Variants in TGM1 observed in about 807,000 individuals in gnomAD.
TGM1 encodes the protein transglutaminase 1, also known as protein-glutamine gamma-glutamyltransferase K.
TGM1 carries 63 observed loss-of-function variants against 88.7 expected under a neutral mutation model. The observed-to-expected ratio is 0.71, with a 90% confidence interval of 0.58 to 0.88. The LOEUF is 0.88. TGM1 is among the 40% of genes least tolerant of loss of function. TGM1 has a pLI of 0.00. For synonymous variants in TGM1, 415 were observed against 431.1 expected (o/e 0.96, Z 0.46); for missense variants, 996 against 1,118.0 (o/e 0.89, Z 1.56).
At position 24,258,369 on chromosome 14, in the gene TGM1, C is replaced by G; in HGVS notation, c.1318G>C (p.Asp440His). The G allele has an allele frequency of 6.2e-7, 1 of 1,614,104 alleles. No individual in the cohort carries two copies. The highest frequency in any genetic ancestry group is 8.5e-7 in the Non-Finnish European group (1 of 1,180,020). Residue 440 changes from aspartate (D) to histidine (H), a missense_variant, in exon 9 of 15, where the codon GAC (aspartate) becomes CAC (histidine). Physicochemically the swap from Asp to His is moderately conservative, Grantham distance 81 (BLOSUM62 -1). Transcript: ENST00000206765. ...DSVWNFHVWN[D>H]CWMKRPDLPS... Reference sequence around the variant, plus strand: ...AGATCCGGCCTCTTCATCCAGCAGTCGTTCCACACATGGAAGTTCCTGGAT... The same window carrying G: ...AGATCCGGCCTCTTCATCCAGCAGTGGTTCCACACATGGAAGTTCCTGGAT...
intron 13 of TGM1, 38 bp from the exon 14 acceptor site, chr14:24,254,326 C>T: frequency 1.2e-6 from 2 of 1,613,704 alleles, no homozygotes; most frequent in Middle Eastern, 1.7e-4. Flanking sequence ...CGTCAGAGAC[C>T]CTGGCCAAAC....
rs1315761077 is a variant in TGM1 at position 24,261,741 on chromosome 14, G to A, written c.462C>T (p.Ser154=). 1 of 1,614,000 alleles carries A rather than the reference G, an allele frequency of 6.2e-7. No homozygotes were observed. Among genetic ancestry groups the A allele is most frequent in the African/African-American group, 1.3e-5 (1 of 74,910 alleles). Residue 154 remains serine, a synonymous_variant, in exon 3 of 15, where the codon TCC becomes TCT. Coordinates refer to ENST00000206765, the MANE Select transcript of TGM1 (RefSeq NM_000359.3). ...TGCGATCAGAGGATTCATAGGTCCG[G>A]GACAGGAGGAGGAGCATATGGAAAG... is the stretch of plus-strand genomic sequence containing the variant. ...GQPFHMLLLL[S]RTYESSDRIT... is the part of the protein sequence containing the mutation.
In TGM1 at chr14:24,260,044, C is replaced by G; in HGVS notation, c.772G>C (p.Val258Leu). The G allele has an allele frequency of 6.2e-7, 1 of 1,614,114 alleles. No individual in the cohort carries two copies. Among genetic ancestry groups the G allele is most frequent in the Non-Finnish European group, 8.5e-7 (1 of 1,179,948 alleles). The change falls in exon 5 of 15, where the codon GTG becomes CTG. Residue 258 changes from valine (V) to leucine (L), a missense_variant. Val to Leu is a conservative substitution (Grantham distance 32). Transcript: ENST00000206765. ...NPWCPEDIVY[V>L]DHEDWRQEYV... is the part of the protein sequence containing the mutation. ...TCCTGCCGCCAATCCTCATGGTCCA[C>G]GTACACAATGTCCTCTGTGTCCCCA...
chr14:24,261,599 G>A, intron 3 of TGM1, 96 bp downstream of exon 3: 1 of 1,459,228 alleles, frequency 6.9e-7, no homozygotes, highest in Non-Finnish European at 9.6e-7. Flanking sequence ...GTGAGGAGTG[G>A]GGCAGGGAGG....
In TGM1 at chr14:24,255,017, T is replaced by C; in HGVS notation, c.1882A>G (p.Ile628Val). The C allele has an allele frequency of 6.2e-7, 1 of 1,614,004 alleles. No homozygotes were observed. The highest frequency in any genetic ancestry group is 8.5e-7 in the Non-Finnish European group (1 of 1,180,020). ...VTFYTGVSGT[I>V]FKETKKEVEL... ...ACTTCCTTCTTGGTCTCCTTGAAGA[T>C]GGTACCACTGACACCAGTATAGAAA... is the stretch of plus-strand genomic sequence containing the variant. Residue 628 changes from isoleucine to valine, a missense_variant, in exon 12 of 15, where the codon ATC (isoleucine) becomes GTC (valine). Physicochemically the swap from Ile to Val is conservative, Grantham distance 29. Coordinates refer to ENST00000206765, the MANE Select transcript of TGM1 (RefSeq NM_000359.3). The surrounding 1 kb of genome is among the most constrained non-coding windows in gnomAD (Gnocchi z 4.0).
rs771051927 is a variant in TGM1, at chr14:24,262,105, C to T, written c.248G>A (p.Arg83Gln). ...SSSGTRRPGS[R>Q]GSDSRRPVSR... ...TACAGGCCGGCGGGAGTCTGAGCCC[C>T]GGGAGCCAGGTCTTCGAGTGCCAGA... The change falls in exon 2 of 15, where the codon CGG (arginine) becomes CAG (glutamine). Residue 83 changes from arginine (R) to glutamine (Q), a missense_variant. Coordinates refer to ENST00000206765, the MANE Select transcript of TGM1 (RefSeq NM_000359.3). The T allele has an allele frequency of 2.6e-5, 42 of 1,613,414 alleles. No individual in the cohort carries two copies. The East Asian group carries it at 3.8e-4, about 15-fold the overall frequency.
Position 24,259,354 on chromosome 14 carries a change from C to G in TGM1, c.985-105G>C. ...GCCCCGATCCTGCAACCACCCCTTA[C>G]CCCTAAATGCCTCAGGATCCAGACA... is the stretch of plus-strand genomic sequence containing the variant. On this transcript the variant is annotated intron_variant, in intron 6 of 14. Transcript: ENST00000206765. This position sits in a 1 kb window ranked among gnomAD's most constrained non-coding sequence, Gnocchi z 5.7. 9.1e-7 allele frequency: 1 copy of G among 1,095,856 alleles called. No homozygotes were observed. The highest frequency in any genetic ancestry group is 1.4e-6 in the Non-Finnish European group (1 of 740,226). The allele number at this position is 1,095,856 out of a possible 1,614,324, so 67.9% of individuals were successfully genotyped here. A position where few individuals can be genotyped will look rare whatever the true frequency, so the allele number is the denominator to read the frequency against.
At position 24,254,271 on chromosome 14, in the gene TGM1, C is replaced by T. The variant is rs1307227091; in HGVS notation, c.2106G>A (p.Val702=). The T allele has an allele frequency of 6.2e-7, 1 of 1,614,076 alleles. No homozygotes were observed. Among genetic ancestry groups the T allele is most frequent in the South Asian group, 1.1e-5 (1 of 91,062 alleles). Residue 702 remains valine, a synonymous_variant, in exon 14 of 15, where the codon GTG becomes GTA. Coordinates refer to ENST00000206765, the MANE Select transcript of TGM1 (RefSeq NM_000359.3). ...TCTGTACTTCACACTCCTGGCCAAC[C>T]ACTGCTGCTCCCAGTAACTGAGAGA... The part of the protein sequence containing the change: ...DLSLTLLGAA[V]VGQECEVQIV...
chr14:24,260,432 C>G lies in TGM1; in HGVS notation c.757+18G>C, dbSNP rs1221065221. ...TTTCCCTCCCATCTACCCTCTGCTC[C>G]AGACCCCAGCTGCTCACCTGGGCAC... On this transcript the variant is annotated intron_variant, in intron 4 of 14. Transcript: ENST00000206765. The G allele has an allele frequency of 6.2e-7, 1 of 1,614,058 alleles. No homozygotes were observed. Among genetic ancestry groups the G allele is most frequent in the South Asian group, 1.1e-5 (1 of 91,082 alleles).
In TGM1 at chr14:24,259,928, G is replaced by C. The variant is rs367946256; in HGVS notation, c.876+12C>G. The C allele has an allele frequency of 2.5e-6, 4 of 1,613,622 alleles. No homozygotes were observed. Among genetic ancestry groups the C allele is most frequent in the Non-Finnish European group, 3.4e-6 (4 of 1,179,570 alleles). ...CTCTGGGTGTATGTGACCCTGGCCA[G>C]CCGCACCATACCTGGCCGTAGTTCC... On this transcript the variant is annotated intron_variant, in intron 5 of 14. Transcript: ENST00000206765. The surrounding 1 kb of genome is among the most constrained non-coding windows in gnomAD (Gnocchi z 5.7).
chr14:24,260,142 A>G (rs763430154), intron 4 of TGM1, 84 bp from the exon 5 acceptor site: 1 of 1,267,608 alleles, frequency 7.9e-7, no homozygotes, highest in South Asian at 1.2e-5. Flanking sequence ...TGCAGGACTC[A>G]TGTCCACAGA....
At chr14:24,258,899 T>C (rs2040781122) in intron 7 of TGM1, among the ~76,000 whole-genome samples, 176 bp downstream of exon 7, 1 of 152,194 alleles carries the variant, frequency 6.6e-6, no homozygotes, top group Non-Finnish European at 1.5e-5. Flanking sequence ...TCTCCCTCCT[T>C]TCCCTTAGGC....
At chr14:24,262,385 C>T in intron 1 of TGM1, 31 bp from the exon 2 acceptor site, 1 of 1,608,176 alleles carries the variant, frequency 6.2e-7, no homozygotes, top group South Asian at 1.1e-5. Context: ...GGCTCCTTAA[C>T]CCAGGTAGTC....
chr14:24,252,577 G>A (rs2040710948), intron 14 of TGM1, among the ~76,000 whole-genome samples: 1 of 152,222 alleles, frequency 6.6e-6, no homozygotes, highest in African/African-American at 2.4e-5. Flanking sequence ...AGAGACCATG[G>A]TATGGTGACA....
Position 24,249,124 on chromosome 14 carries a change from AAC to A in TGM1, c.*187_*188del. On this transcript the variant is annotated 3_prime_UTR_variant, in exon 15 of 15. Transcript: ENST00000206765. Reference sequence around the variant, plus strand: ...GGACAGAGCAGCAGCTTCATTAAAAAACAGTTTATTAGCATCTGTTCCCCCAG... The same window carrying A: ...GGACAGAGCAGCAGCTTCATTAAAAAAGTTTATTAGCATCTGTTCCCCCAG... 1.5e-6 allele frequency: 1 copy of A among 654,584 alleles called. No individual in the cohort carries two copies. Among genetic ancestry groups the A allele is most frequent in the Non-Finnish European group, 2.7e-6 (1 of 364,116 alleles). The allele number at this position is 654,584 out of a possible 1,614,324, so 40.5% of individuals were successfully genotyped here.
In TGM1 at chr14:24,255,200, G is replaced by A. The variant is rs769663593; in HGVS notation, c.1699C>T (p.Pro567Ser). 6.2e-7 allele frequency: 1 copy of A among 1,613,920 alleles called. No individual in the cohort carries two copies. Among genetic ancestry groups the A allele is most frequent in the Non-Finnish European group, 8.5e-7 (1 of 1,180,036 alleles). Reference protein sequence around the residue: ...VETAAAHGSKPNVYANRGSAE... With the variant: ...VETAAAHGSKSNVYANRGSAE... ...GAGCCCCGGTTGGCATACACATTGG[G>A]TTTGCTGCCGTGGGCTGCTGCTGTC... The change falls in exon 12 of 15, where the codon CCC (proline) becomes TCC (serine). Residue 567 changes from proline (P) to serine (S), a missense_variant. Coordinates refer to ENST00000206765, the MANE Select transcript of TGM1 (RefSeq NM_000359.3). This position sits in a 1 kb window ranked among gnomAD's most constrained non-coding sequence, Gnocchi z 4.0.
chr14:24,253,227 CAATAATAAA>C (rs1428970672), intron 14 of TGM1, among the ~76,000 whole-genome samples: 1 of 152,154 alleles, frequency 6.6e-6, no homozygotes, highest in Non-Finnish European at 1.5e-5. Flanking sequence ...GTAATAATGG[CAATAATAAA>C]AATAACAACT....
Position 24,249,285 on chromosome 14 carries a change from C to T in TGM1, c.*28G>A, listed in dbSNP as rs888954143. The stretch of plus-strand genomic sequence containing the variant: ...TGGGGCAATGTCCTTGCTCATCTGA[C>T]TCCAGTCCCATTGCTCCTGGCACGG... On this transcript the variant is annotated 3_prime_UTR_variant, in exon 15 of 15. Coordinates refer to ENST00000206765, the MANE Select transcript of TGM1 (RefSeq NM_000359.3). The T allele has an allele frequency of 6.2e-7, 1 of 1,600,026 alleles. No homozygotes were observed. Among genetic ancestry groups the T allele is most frequent in the Non-Finnish European group, 8.5e-7 (1 of 1,169,706 alleles).
In TGM1 at chr14:24,255,355, G is replaced by A. The variant is rs749246542; in HGVS notation, c.1645+9C>T. ...GGGCCCAGAGCTGGCTGGGTTGGGGGAATGGTACCTTCTGGGTGCTTATAG... is the reference window on the plus strand; with the variant it reads ...GGGCCCAGAGCTGGCTGGGTTGGGGAAATGGTACCTTCTGGGTGCTTATAG... On this transcript the variant is annotated intron_variant, in intron 11 of 14. Transcript: ENST00000206765. The surrounding 1 kb of genome is among the most constrained non-coding windows in gnomAD (Gnocchi z 4.0). 1.2e-6 allele frequency: 2 copies of A among 1,614,214 alleles called. No individual in the cohort carries two copies. Among genetic ancestry groups the A allele is most frequent in the South Asian group, 2.2e-5 (2 of 91,088 alleles).
Sources: gnomAD v4.1 joint callset for allele counts (sites outside exome capture counted in the v4.1 genomes callset) on GRCh38, gnomAD v4.1.1 for gene constraint, Gnocchi (gnomAD v3.1) non-coding constraint, MANE v1.5 for transcripts, NCBI Gene and HGNC (gene_info 2026-07-23, HGNC 2026-07-21) for gene names.